Variants in PRTG observed in about 807,000 individuals in gnomAD.
The protein encoded by PRTG is protogenin.
Under a neutral mutation model 122.5 loss-of-function variants are expected in PRTG, and 67 were observed. That is an observed-to-expected ratio of 0.55 (90% CI 0.45 to 0.67). The LOEUF (loss-of-function observed/expected upper bound fraction) is 0.67. Among genes scored for constraint, PRTG ranks in the 30% least tolerant of loss-of-function variants. PRTG has a pLI of 0.00. For missense variants in PRTG, 1,435 were observed against 1,415.4 expected, an observed-to-expected ratio of 1.01 and a Z score of -0.22; for synonymous variants, 554 against 501.1, an observed-to-expected ratio of 1.11 and a Z score of -1.41.
chr15:55,711,802 CTTA>C (rs2030399545), intron 2 of PRTG, among the ~76,000 whole-genome samples: 1 of 152,160 alleles, frequency 6.6e-6, no homozygotes, highest in Non-Finnish European at 1.5e-5. Context: ...ATAATATATA[CTTA>C]CAGTTTTAGG....
At position 55,620,172 on chromosome 15, in the gene PRTG, G is replaced by A. The variant is rs754667639; in HGVS notation, c.3293C>T (p.Thr1098Ile). ...DEDSPSSPGQ[T>I]TSFSRPFGVA... ...ACCAAAGGGTCTTGAGAAGCTGGTT[G>A]TCTGACCTGGGGAGCTAGGGGAGTC... The change falls in exon 20 of 20, where the codon ACA (threonine) becomes ATA (isoleucine). Residue 1098 changes from threonine to isoleucine, a missense_variant. By Grantham distance (89) the Thr-to-Ile change is moderately conservative. Coordinates refer to ENST00000389286, the MANE Select transcript of PRTG (RefSeq NM_173814.6). 1.9e-6 allele frequency: 3 copies of A among 1,614,208 alleles called. No homozygotes were observed. In the South Asian group the frequency reaches 3.3e-5, roughly 18 times the overall value.
intron 15 of PRTG, among the ~76,000 whole-genome samples, chr15:55,632,250 T>C (rs35675847): frequency 0.13 from 20,411 of 152,242 alleles, 1,860 homozygotes; most frequent in African/African-American, 0.26. Context: ...TTTTTTCTGA[T>C]GCCCCACATC....
intron 18 of PRTG, among the ~76,000 whole-genome samples, chr15:55,623,128 G>A (rs1289806826): frequency 6.6e-6 from 1 of 152,090 alleles, no homozygotes; most frequent in Non-Finnish European, 1.5e-5. Flanking sequence ...TTTTAGGAAA[G>A]GATAAAGGAA....
intron 2 of PRTG, among the ~76,000 whole-genome samples, chr15:55,740,078 G>T (rs2031559830): frequency 6.6e-6 from 1 of 152,066 alleles, no homozygotes. Context: ...TGTTGCGTTG[G>T]CCAAACTTCT....
At chr15:55,643,576 G>A (rs973075250) in intron 11 of PRTG, among the ~76,000 whole-genome samples, 1 of 151,922 alleles carries the variant, frequency 6.6e-6, no homozygotes, top group Non-Finnish European at 1.5e-5. Flanking sequence ...TGAGACTACA[G>A]GTGCACACCA....
chr15:55,656,990 G>C (rs1053612559), intron 11 of PRTG, among the ~76,000 whole-genome samples: 6 of 152,160 alleles, frequency 3.9e-5, no homozygotes, highest in African/African-American at 1.4e-4. Flanking sequence ...TGAATATAAA[G>C]TATGCAAATG....
intron 3 of PRTG, among the ~76,000 whole-genome samples, chr15:55,683,307 A>G (rs1274223498): frequency 6.6e-6 from 1 of 151,986 alleles, no homozygotes; most frequent in East Asian, 1.9e-4. Flanking sequence ...AGTTGCTATC[A>G]AGTTCTTGAT....
chr15:55,660,426 T>C (rs1174453944), intron 11 of PRTG, among the ~76,000 whole-genome samples: 1 of 152,206 alleles, frequency 6.6e-6, no homozygotes, highest in Non-Finnish European at 1.5e-5. Flanking sequence ...TAAAGATTCT[T>C]TACATTCACC....
intron 16 of PRTG, among the ~76,000 whole-genome samples, chr15:55,628,433 G>A (rs1435772031): frequency 2.0e-5 from 3 of 151,476 alleles, no homozygotes; most frequent in African/African-American, 7.3e-5. Context: ...TTTCTCTGTG[G>A]TGAAAACTCT....
At chr15:55,631,533 G>C (rs1744802008) in intron 15 of PRTG, among the ~76,000 whole-genome samples, 2 of 152,198 alleles carry the variant, frequency 1.3e-5, no homozygotes, top group African/African-American at 4.8e-5. Flanking sequence ...GACACTCAAA[G>C]CATTTCACAA....
At chr15:55,736,708 A>G (rs1187261990) in intron 2 of PRTG, among the ~76,000 whole-genome samples, 1 of 152,146 alleles carries the variant, frequency 6.6e-6, no homozygotes, top group Non-Finnish European at 1.5e-5. Context: ...AATAATTCCT[A>G]TGCTCTTCCA....
chr15:55,662,542 T>C (rs952902400), intron 11 of PRTG, among the ~76,000 whole-genome samples: 2 of 152,204 alleles, frequency 1.3e-5, no homozygotes, highest in African/African-American at 2.4e-5. Context: ...CCTCCATCTT[T>C]TGTGGCAAGT....
At chr15:55,718,674 A>G (rs1488825100) in intron 2 of PRTG, among the ~76,000 whole-genome samples, 2 of 152,096 alleles carry the variant, frequency 1.3e-5, no homozygotes, top group South Asian at 2.1e-4. Context: ...TTTAAATACA[A>G]TATCTTCACT....
intron 16 of PRTG, among the ~76,000 whole-genome samples, chr15:55,627,501 T>G (rs923826061): frequency 7.4e-5 from 11 of 148,912 alleles, no homozygotes; most frequent in African/African-American, 2.7e-4. Context: ...AGTTTTTTTT[T>G]TTTTTTTTTT....
chr15:55,627,897 A>T (rs1422118890), intron 16 of PRTG, among the ~76,000 whole-genome samples: 1 of 152,080 alleles, frequency 6.6e-6, no homozygotes, highest in African/African-American at 2.4e-5. Context: ...TGACTCACTA[A>T]GTCTGGGGTG....
At chr15:55,641,677 A>C (rs1179652626) in intron 11 of PRTG, among the ~76,000 whole-genome samples, 1 of 152,214 alleles carries the variant, frequency 6.6e-6, no homozygotes, top group Admixed American at 6.5e-5. Context: ...TACAATTGTC[A>C]TTCTTTAGTA....
intron 11 of PRTG, among the ~76,000 whole-genome samples, chr15:55,646,063 G>A (rs2059320896): frequency 6.6e-6 from 1 of 151,952 alleles, no homozygotes; most frequent in South Asian, 2.1e-4. Flanking sequence ...CTGCAGTGCA[G>A]TGGTGCGATC....
At chr15:55,670,736 T>TG (rs1458599050) in intron 11 of PRTG, among the ~76,000 whole-genome samples, 2 of 152,132 alleles carry the variant, frequency 1.3e-5, no homozygotes, top group Non-Finnish European at 2.9e-5. Flanking sequence ...CCCCCGTCTC[T>TG]GCTAAAAATT....
At chr15:55,645,788 T>C (rs560589741) in intron 11 of PRTG, among the ~76,000 whole-genome samples, 19 of 152,212 alleles carry the variant, frequency 1.2e-4, no homozygotes, top group Non-Finnish European at 2.5e-4. Context: ...TGTTAAGCAC[T>C]GCCACGTATG....
Sources: allele counts gnomAD v4.1 joint callset (sites outside exome capture counted in the v4.1 genomes callset), GRCh38; gene constraint gnomAD v4.1.1; transcripts MANE v1.5; gene names NCBI Gene and HGNC (gene_info 2026-07-23, HGNC 2026-07-21).